SRPK2: variants seen among roughly 807,000 people sequenced by gnomAD.
The protein encoded by SRPK2 is SRSF protein kinase 2, also known as SFRS protein kinase 2.
SRPK2 carries 21 observed loss-of-function variants against 90.8 expected under a neutral mutation model. The ratio of observed to expected loss-of-function variants is 0.23; its 90% CI spans 0.16 to 0.33. The LOEUF (loss-of-function observed/expected upper bound fraction) is 0.33. Ranked by LOEUF, SRPK2 falls within the 10% of genes least tolerant of loss-of-function variation. The pLI is 1.00. For synonymous variants in SRPK2, 288 were observed against 311.1 expected (o/e 0.93, Z 0.78); for missense variants, 620 against 869.0 (o/e 0.71, Z 3.60).
At chr7:105,291,444 T>A (rs1809002051) in intron 2 of SRPK2, among the ~76,000 whole-genome samples, 1 of 151,942 alleles carries the variant, frequency 6.6e-6, no homozygotes, top group Non-Finnish European at 1.5e-5. Flanking sequence ...CAGCACTTTG[T>A]GAGGCTGGGC....
At chr7:105,299,426 A>G (rs935692872) in intron 2 of SRPK2, among the ~76,000 whole-genome samples, 2 of 151,560 alleles carry the variant, frequency 1.3e-5, no homozygotes, top group Non-Finnish European at 2.9e-5. Context: ...ATCTGAACCT[A>G]AAAAGACACT....
At chr7:105,211,456 C>T (rs1264139912) in intron 2 of SRPK2, among the ~76,000 whole-genome samples, 3 of 152,060 alleles carry the variant, frequency 2.0e-5, no homozygotes, top group African/African-American at 7.2e-5. Flanking sequence ...AAGAATGATG[C>T]TGGCATCTGC....
intron 2 of SRPK2, among the ~76,000 whole-genome samples, chr7:105,387,670 G>C (rs958400611): frequency 3.3e-5 from 5 of 152,154 alleles, no homozygotes; most frequent in African/African-American, 1.2e-4. Flanking sequence ...GATAATGCTG[G>C]ATTCTCGTTC....
chr7:105,248,769 G>A (rs1189579503), intron 2 of SRPK2, among the ~76,000 whole-genome samples: 6 of 151,964 alleles, frequency 3.9e-5, no homozygotes, highest in Middle Eastern at 3.4e-3. Flanking sequence ...GTGAAACCCC[G>A]TCTCTACTAA....
chr7:105,250,075 A>T lies in SRPK2; in HGVS notation c.72-46290T>A, dbSNP rs571586643. The stretch of plus-strand genomic sequence containing the variant: ...GCCAGGCACAGTGGCTCACGCCTAT[A>T]ATCTCAGCCCTATGGGAGTCCGAGG... On this transcript the variant is annotated intron_variant, in intron 2 of 15. Transcript: ENST00000393651. Among the ~76,000 whole-genome samples, 3 of 152,338 alleles carry T rather than the reference A, an allele frequency of 2.0e-5. No individual in the cohort carries two copies. In the East Asian group the frequency reaches 5.8e-4, roughly 29 times the overall value.
intron 2 of SRPK2, among the ~76,000 whole-genome samples, chr7:105,323,172 A>G (rs1813131516): frequency 6.6e-6 from 1 of 152,336 alleles, no homozygotes; most frequent in East Asian, 1.9e-4. Context: ...CCTGGGCGAC[A>G]GAGTGAGACT....
intron 3 of SRPK2, among the ~76,000 whole-genome samples, chr7:105,170,740 A>G (rs934381540): frequency 5.9e-5 from 4 of 67,846 alleles, no homozygotes; most frequent in Admixed American, 1.6e-4. Flanking sequence ...GAAAGGGAAG[A>G]AAGGGAGGAA....
chr7:105,388,723 A>C, intron 1 of SRPK2, 21 bp from the exon 2 acceptor site: 1 of 1,563,828 alleles, frequency 6.4e-7, no homozygotes. Context: ...GAAGACACAC[A>C]TTAACGGTCG....
At chr7:105,336,359 GT>G (rs1554514384) in intron 2 of SRPK2, among the ~76,000 whole-genome samples, 1 of 152,164 alleles carries the variant, frequency 6.6e-6, no homozygotes, top group Non-Finnish European at 1.5e-5. Flanking sequence ...TCTTTAGTGT[GT>G]TGGGACTGTT....
chr7:105,381,130 G>A (rs971572449), intron 2 of SRPK2, among the ~76,000 whole-genome samples: 1 of 151,804 alleles, frequency 6.6e-6, no homozygotes, highest in African/African-American at 2.4e-5. Flanking sequence ...TGTAATCCCA[G>A]CTACTTGGGA....
At chr7:105,394,587 G>A (rs1213876812) in intron 1 of SRPK2, among the ~76,000 whole-genome samples, 1 of 152,192 alleles carries the variant, frequency 6.6e-6, no homozygotes, top group Non-Finnish European at 1.5e-5. Context: ...AGGTCAGTTC[G>A]ATAATCAAAT....
Position 105,277,074 on chromosome 7 carries a change from T to TATC in SRPK2, c.72-73290_72-73289insGAT, listed in dbSNP as rs1806606144. 2.7e-5 allele frequency among the ~76,000 whole-genome samples: 4 copies of TATC among 145,900 alleles called. No individual in the cohort carries two copies. The South Asian group carries it at 8.8e-4, about 32-fold the overall frequency. On this transcript the variant is annotated intron_variant, in intron 2 of 15. Coordinates refer to ENST00000393651, the MANE Select transcript of SRPK2 (RefSeq NM_182692.3). ...GGAGCCCTTCTTGGTGTCTCCAACT[T>TATC]ATTATTATTATTTTTTTTTTGAGAC...
At chr7:105,293,059 A>G (rs1360095687) in intron 2 of SRPK2, among the ~76,000 whole-genome samples, 1 of 151,664 alleles carries the variant, frequency 6.6e-6, no homozygotes, top group Non-Finnish European at 1.5e-5. Flanking sequence ...AAGGGGGAGG[A>G]GGGAGGGGGG....
intron 2 of SRPK2, among the ~76,000 whole-genome samples, chr7:105,242,969 G>A (rs1801017289): frequency 6.6e-6 from 1 of 152,020 alleles, no homozygotes; most frequent in Admixed American, 6.6e-5. Context: ...GTGAGGCCAG[G>A]GCTCAAAAAG....
chr7:105,263,759 A>G (rs1398047959), intron 2 of SRPK2, among the ~76,000 whole-genome samples: 1 of 152,082 alleles, frequency 6.6e-6, no homozygotes, highest in Non-Finnish European at 1.5e-5. Flanking sequence ...CAAAACAAAC[A>G]AACAAAAACA....
chr7:105,186,943 G>A (rs1211524668), intron 3 of SRPK2, among the ~76,000 whole-genome samples: 1 of 152,180 alleles, frequency 6.6e-6, no homozygotes, highest in Non-Finnish European at 1.5e-5. Flanking sequence ...CCAGGGGCCA[G>A]ATGTAAGCTT....
chr7:105,333,699 T>C (rs1051878375), intron 2 of SRPK2, among the ~76,000 whole-genome samples: 18 of 152,324 alleles, frequency 1.2e-4, no homozygotes, highest in African/African-American at 3.8e-4. Flanking sequence ...AGAATACACA[T>C]ATACATTTAT....
intron 2 of SRPK2, chr7:105,205,846 T>C: frequency 2.0e-6 from 1 of 494,034 alleles, no homozygotes; most frequent in Admixed American, 2.0e-5. Flanking sequence ...CTGACACATT[T>C]CCTCAATGAG....
chr7:105,117,942 C>A lies in SRPK2; in HGVS notation c.1996G>T (p.Asp666Tyr). The A allele has an allele frequency of 6.2e-7, 1 of 1,614,158 alleles. No homozygotes were observed. Among genetic ancestry groups the A allele is most frequent in the Non-Finnish European group, 8.5e-7 (1 of 1,180,024 alleles). Reference protein sequence around the residue: ...LVEKYGWPHEDAAQFTDFLIP... With the variant: ...LVEKYGWPHEYAAQFTDFLIP... ...AGGAAATCTGTAAACTGTGCAGCAT[C>A]TTCATGGGGCCAGCCATACTTTTCC... Residue 666 changes from aspartate (D) to tyrosine (Y), a missense_variant, in exon 16 of 16, where the codon GAT becomes TAT. Asp to Tyr is a radical substitution (Grantham distance 160, BLOSUM62 -3). Around this residue, in one of 8 missense-constraint regions of SRPK2, gnomAD observed 71 missense variants for 123.1 expected, o/e 0.58. Transcript: ENST00000393651.
Sources: gnomAD v4.1 joint callset for allele counts (sites outside exome capture counted in the v4.1 genomes callset) on GRCh38, gnomAD v4.1.1 for gene constraint, gnomAD v4.1.1 regional missense constraint, MANE v1.5 for transcripts, NCBI Gene and HGNC (gene_info 2026-07-23, HGNC 2026-07-21) for gene names.